Variants in ALPK1 observed in about 807,000 individuals in gnomAD.
ALPK1 encodes the protein alpha-protein kinase 1.
In ALPK1, 110 loss-of-function variants were observed where a neutral mutation model predicts 120.6. The observed-to-expected ratio is 0.91, with a 90% CI of 0.78 to 1.07. ALPK1 has a LOEUF of 1.07. Ranked by LOEUF, ALPK1 falls within the 50% of genes least tolerant of loss-of-function variation. The probability of loss-of-function intolerance (pLI) is 0.00; values close to 1 mark genes in which losing one functional copy is unlikely to be tolerated. For synonymous variants in ALPK1, 582 were observed against 560.3 expected (o/e 1.04, Z -0.55); for missense variants, 1,498 against 1,483.9 (o/e 1.01, Z -0.16).
chr4:112,356,011 G>T (rs946211319), intron 2 of ALPK1: 7 of 668,126 alleles, frequency 1.0e-5, no homozygotes, highest in Admixed American at 2.1e-5. Flanking sequence ...GTGTCCCAGT[G>T]TGCATGCTCG....
intron 1 of ALPK1, among the ~76,000 whole-genome samples, chr4:112,299,089 G>T (rs1386486362): frequency 3.3e-5 from 5 of 151,322 alleles, no homozygotes; most frequent in Non-Finnish European, 5.9e-5. Flanking sequence ...TGTTTTTTTT[G>T]TATTTTGTAT....
At chr4:112,351,829 A>G (rs1387313890) in intron 2 of ALPK1, among the ~76,000 whole-genome samples, 1 of 152,280 alleles carries the variant, frequency 6.6e-6, no homozygotes, top group African/African-American at 2.4e-5. Flanking sequence ...TTTCCTGGCA[A>G]TCTAGTGTTT....
intron 11 of ALPK1, among the ~76,000 whole-genome samples, chr4:112,434,390 A>AT (rs1734703478): frequency 6.6e-6 from 1 of 152,078 alleles, no homozygotes; most frequent in African/African-American, 2.4e-5. Context: ...TGCTTTAAGT[A>AT]TTTTCTCTCC....
At position 112,439,437 on chromosome 4, in the gene ALPK1, A is replaced by G. The variant is rs373334291; in HGVS notation, c.3352-249A>G. On this transcript the variant is annotated intron_variant, in intron 13 of 15. Coordinates refer to ENST00000650871, the MANE Select transcript of ALPK1 (RefSeq NM_025144.4). ...CTAAATCTTAAGTGAGCAGTTTAAT[A>G]TGTGAATGACAATAAATTTAAGTTC... Among the ~76,000 whole-genome samples the G allele has an allele frequency of 1.1e-4, 16 of 152,322 alleles. No homozygotes were observed. The East Asian group carries it at 1.3e-3, about 13-fold the overall frequency.
At chr4:112,336,166 A>C (rs1729611921) in intron 2 of ALPK1, among the ~76,000 whole-genome samples, 2 of 152,196 alleles carry the variant, frequency 1.3e-5, no homozygotes, top group South Asian at 4.1e-4. Flanking sequence ...TGAATGAGTG[A>C]ACAGGGGAAT....
intron 9 of ALPK1, chr4:112,427,900 A>T (rs1734312965): frequency 3.0e-6 from 1 of 331,572 alleles, no homozygotes; most frequent in East Asian, 4.6e-5. Context: ...TTACTGGTGA[A>T]TGAATGAATG....
chr4:112,306,007 CAT>C (rs1454518947), intron 1 of ALPK1, among the ~76,000 whole-genome samples: 1 of 152,042 alleles, frequency 6.6e-6, no homozygotes, highest in Non-Finnish European at 1.5e-5. Context: ...TTGAGATAAT[CAT>C]GTGGTTTTTG....
Position 112,382,532 on chromosome 4 carries a change from G to A in ALPK1, c.256G>A (p.Ala86Thr), listed in dbSNP as rs773063913. 23 of 1,614,002 alleles carry A rather than the reference G, an allele frequency of 1.4e-5. No individual in the cohort carries two copies. Among genetic ancestry groups the A allele is most frequent in the Middle Eastern group, 1.6e-4 (1 of 6,082 alleles). The change falls in exon 4 of 16, where the codon GCC becomes ACC. Residue 86 changes from alanine (A) to threonine (T), a missense_variant. By Grantham distance (58) the Ala-to-Thr change is moderately conservative. Transcript: ENST00000650871. ...AACAAACCTGAAGGATGTGATTGGC[G>A]CCGGGTTGCAGCAGTTACTGGTAGG... ...DKTNLKDVIG[A>T]GLQQLLASLR...
chr4:112,411,952 C>T lies in ALPK1; in HGVS notation c.402C>T (p.Leu134=). Residue 134 remains leucine (L), a synonymous_variant, in exon 5 of 16, where the codon CTC becomes CTT. Transcript: ENST00000650871. ...AACTTCTGCAGGTCGCCAAAGGTCT[C>T]CACAAGTTGCAGCCAGCCACGCCAA... ...SGKLLQVAKG[L]HKLQPATPIA... The T allele has an allele frequency of 1.2e-6, 2 of 1,614,186 alleles. No individual in the cohort carries two copies. Among genetic ancestry groups the T allele is most frequent in the South Asian group, 1.1e-5 (1 of 91,084 alleles).
At chr4:112,326,141 A>G (rs943490754) in intron 2 of ALPK1, among the ~76,000 whole-genome samples, 30 of 152,026 alleles carry the variant, frequency 2.0e-4, no homozygotes, top group African/African-American at 7.0e-4. Context: ...CATTTCTTTC[A>G]CCAGTCAGTT....
At chr4:112,360,712 A>G (rs1405420193) in intron 2 of ALPK1, among the ~76,000 whole-genome samples, 2 of 152,160 alleles carry the variant, frequency 1.3e-5, no homozygotes, top group Non-Finnish European at 2.9e-5. Context: ...GTGAGGATCT[A>G]TTGGTGTTTC....
chr4:112,425,880 G>A (rs1004172435), intron 7 of ALPK1, 129 bp downstream of exon 7: 6 of 654,176 alleles, frequency 9.2e-6, no homozygotes, highest in Non-Finnish European at 1.0e-5. Context: ...TTTCCTCATC[G>A]AAAAGAGAAT....
intron 2 of ALPK1, among the ~76,000 whole-genome samples, chr4:112,338,257 C>G (rs1052211279): frequency 1.3e-5 from 2 of 152,204 alleles, no homozygotes; most frequent in African/African-American, 4.8e-5. Flanking sequence ...TGAGCCACCG[C>G]GCCCGGCCGT....
chr4:112,412,474 T>G (rs1347400894), intron 5 of ALPK1: 9 of 456,738 alleles, frequency 2.0e-5, no homozygotes, highest in East Asian at 6.9e-5. Context: ...AATTTGAGGG[T>G]TTTTTTTCAT....
At chr4:112,423,123 G>A (rs1476186863) in intron 5 of ALPK1, among the ~76,000 whole-genome samples, 2 of 152,278 alleles carry the variant, frequency 1.3e-5, no homozygotes, top group African/African-American at 2.4e-5. Context: ...GTATGTCTAC[G>A]TATGTAATTT....
At position 112,438,523 on chromosome 4, in the gene ALPK1, G is replaced by A; in HGVS notation, c.3228G>A (p.Trp1076Ter). The A allele has an allele frequency of 6.2e-7, 1 of 1,613,756 alleles. No homozygotes were observed. The highest frequency in any genetic ancestry group is 8.5e-7 in the Non-Finnish European group (1 of 1,179,774). ...ACTATAAGGAGCAGAAGGGGCTCTG[G>A]CACCACTTCACTGATGTGGAGCGAC... Reference protein sequence around the residue: ...GKDYKEQKGLWHHFTDVERQM... With the variant: ...GKDYKEQKGL Residue 1076 changes from tryptophan (W) to a stop codon, truncating the protein, a stop_gained, in exon 13 of 16, where the codon TGG becomes TGA. Transcript: ENST00000650871. LOFTEE classifies it high-confidence loss of function.
rs1162440633 is a variant in ALPK1, at chr4:112,411,851, G to T, written c.301G>T (p.Ala101Ser). The part of the protein sequence containing the change: ...LLASLRASIL[A>S]RDCAAAAAIV... ...GGCGTCCCTGAGGGCCTCCATCCTC[G>T]CTCGGGACTGTGCGGCTGCGGCGGC... The change falls in exon 5 of 16, where the codon GCT becomes TCT. Residue 101 changes from alanine to serine, a missense_variant. Coordinates refer to ENST00000650871, the MANE Select transcript of ALPK1 (RefSeq NM_025144.4). 1.2e-6 allele frequency: 2 copies of T among 1,613,072 alleles called. No homozygotes were observed. The highest frequency in any genetic ancestry group is 1.7e-5 in the Admixed American group (1 of 59,918).
At chr4:112,318,585 G>A (rs1444579357) in intron 2 of ALPK1, among the ~76,000 whole-genome samples, 1 of 152,200 alleles carries the variant, frequency 6.6e-6, no homozygotes. Flanking sequence ...TGCCATATTA[G>A]AGTCAAGAAA....
intron 1 of ALPK1, among the ~76,000 whole-genome samples, chr4:112,305,700 A>G (rs1728018151): frequency 6.6e-6 from 1 of 151,992 alleles, no homozygotes; most frequent in Admixed American, 6.6e-5. Context: ...GCAAACAGGG[A>G]CAATTTGACT....
Sources: allele counts gnomAD v4.1 joint callset (sites outside exome capture counted in the v4.1 genomes callset), GRCh38; gene constraint gnomAD v4.1.1; transcripts MANE v1.5; gene names NCBI Gene and HGNC (gene_info 2026-07-23, HGNC 2026-07-21).